Variants in PCDHA13 observed in about 807,000 individuals in gnomAD.
The protein encoded by PCDHA13 is protocadherin alpha-13.
In PCDHA13, 54 loss-of-function variants were observed where a neutral mutation model predicts 64.8. That is an observed-to-expected ratio of 0.83 (90% CI 0.67 to 1.04). The LOEUF (loss-of-function observed/expected upper bound fraction) is 1.04. Ranked by LOEUF, PCDHA13 falls within the 50% of genes least tolerant of loss-of-function variation. The pLI, the probability that PCDHA13 is intolerant of heterozygous loss-of-function variation, is 0.00. For missense variants in PCDHA13, 1,248 were observed against 1,254.3 expected, an observed-to-expected ratio of 0.99 and a Z score of 0.08; for synonymous variants, 587 against 564.4, an observed-to-expected ratio of 1.04 and a Z score of -0.57.
At position 141,010,329 on chromosome 5, in the gene PCDHA13, GTTTGTGGCCACTGGGTA is replaced by G. The variant is rs1554262887; in HGVS notation, c.*394_*410del. The G allele has an allele frequency of 1.9e-6, 3 of 1,538,554 alleles. No individual in the cohort carries two copies. The East Asian group carries it at 7.3e-5, about 38-fold the overall frequency. ...AGTTTTGAGATTGAGCAGCTTGGGA[GTTTGTGGCCACTGGGTA>G]TGTGTGGCTACCGCGGGTATGCGAG... On this transcript the variant is annotated 3_prime_UTR_variant, in exon 4 of 4. Coordinates refer to ENST00000289272, the MANE Select transcript of PCDHA13 (RefSeq NM_018904.3).
At chr5:140,889,009 C>T (rs1030437186) in intron 1 of PCDHA13, among the ~76,000 whole-genome samples, 7 of 152,128 alleles carry the variant, frequency 4.6e-5, no homozygotes, top group Admixed American at 1.3e-4. Flanking sequence ...GCAAACCAAC[C>T]TCTACTTCCT....
rs549259485 is a variant in PCDHA13, at chr5:140,926,218, A to C, written c.2394+41556A>C. 2.0e-5 allele frequency among the ~76,000 whole-genome samples: 3 copies of C among 152,070 alleles called. No individual in the cohort carries two copies. In the South Asian group the frequency reaches 6.3e-4, roughly 32 times the overall value. On this transcript the variant is annotated intron_variant, in intron 1 of 3. Coordinates refer to ENST00000289272, the MANE Select transcript of PCDHA13 (RefSeq NM_018904.3). ...TCTTTCGGGGGGCTCCTGTTTCCTT[A>C]AGCCTAGAAGGTGTGGTCGCTCACG...
intron 1 of PCDHA13, among the ~76,000 whole-genome samples, chr5:140,976,410 G>C (rs1353790339): frequency 6.6e-6 from 1 of 152,074 alleles, no homozygotes; most frequent in Non-Finnish European, 1.5e-5. Context: ...AATTAGCCAG[G>C]TACGGTGGCA....
intron 1 of PCDHA13, among the ~76,000 whole-genome samples, chr5:140,941,191 T>TTTTTTCTTTC (rs1554213809): frequency 1.1e-5 from 1 of 93,206 alleles, no homozygotes; most frequent in Non-Finnish European, 2.3e-5. Flanking sequence ...GCTTCTTTTT[T>TTTTTTCTTTC]TTTCTTTCTT....
intron 1 of PCDHA13, among the ~76,000 whole-genome samples, chr5:140,938,931 A>T (rs1371527205): frequency 6.6e-6 from 1 of 152,044 alleles, no homozygotes; most frequent in African/African-American, 2.4e-5. Context: ...TTGGCTTTTA[A>T]CTTTCCATTC....
Position 140,882,572 on chromosome 5 carries a change from T to C in PCDHA13, c.304T>C (p.Cys102Arg). The change falls in exon 1 of 4, where the codon TGC becomes CGC. Residue 102 changes from cysteine to arginine, a missense_variant. Coordinates refer to ENST00000289272, the MANE Select transcript of PCDHA13 (RefSeq NM_018904.3). ...GGAGCTGTGTGGGCGGAGCGCGGAG[T>C]GCAGCATCCACCTGGAGGTGATCGT... ...REELCGRSAE[C>R]SIHLEVIVDR... The C allele has an allele frequency of 6.2e-7, 1 of 1,614,106 alleles. No individual in the cohort carries two copies. Among genetic ancestry groups the C allele is most frequent in the Non-Finnish European group, 8.5e-7 (1 of 1,180,028 alleles).
rs2098414886 is a variant in PCDHA13, at chr5:141,009,848, A to T, written c.2764A>T (p.Thr922Ser). 7 of 1,614,012 alleles carry T rather than the reference A, an allele frequency of 4.3e-6. No homozygotes were observed. Among genetic ancestry groups the T allele is most frequent in the Non-Finnish European group, 5.1e-6 (6 of 1,180,014 alleles). ...DFITFGKKEE[T>S]KKKKKKKKGN... ...CATAACCTTCGGCAAAAAGGAGGAGACCAAGAAAAAGAAGAAAAAGAAGAA... is the reference window on the plus strand; with the variant it reads ...CATAACCTTCGGCAAAAAGGAGGAGTCCAAGAAAAAGAAGAAAAAGAAGAA... The change falls in exon 4 of 4, where the codon ACC becomes TCC. Residue 922 changes from threonine (T) to serine (S), a missense_variant. Thr to Ser is a moderately conservative substitution (Grantham distance 58). Transcript: ENST00000289272.
rs2058970957 is a variant in PCDHA13, at chr5:140,882,149, G to A, written c.-120G>A. ...CTTCCTGCAGAAAATATAGCAGAAA[G>A]CGGAATACCTCTTGCGAATCCTTCC... On this transcript the variant is annotated 5_prime_UTR_variant, in exon 1 of 4. Transcript: ENST00000289272. 1.3e-6 allele frequency: 2 copies of A among 1,501,900 alleles called. No homozygotes were observed. Among genetic ancestry groups the A allele is most frequent in the Middle Eastern group, 4.3e-4 (2 of 4,672 alleles). 93.0% of individuals were successfully genotyped at this position (1,501,900 alleles called of 1,614,324 possible).
At chr5:140,992,153 T>C (rs191199905) in intron 3 of PCDHA13, among the ~76,000 whole-genome samples, 76 of 152,066 alleles carry the variant, frequency 5.0e-4, no homozygotes, top group African/African-American at 1.8e-3. Flanking sequence ...CTTTGCTCAA[T>C]CAAGAAGTGT....
intron 3 of PCDHA13, among the ~76,000 whole-genome samples, chr5:141,008,882 A>G (rs2098393885): frequency 6.6e-6 from 1 of 152,170 alleles, no homozygotes; most frequent in Non-Finnish European, 1.5e-5. Flanking sequence ...ACCACCCTTC[A>G]ATGTTATTAC....
In PCDHA13 at chr5:140,895,957, C is replaced by G. The variant is rs186458993; in HGVS notation, c.2394+11295C>G. Among the ~76,000 whole-genome samples, 2 of 152,196 alleles carry G rather than the reference C, an allele frequency of 1.3e-5. 1 individual carries two copies. Among genetic ancestry groups the G allele is most frequent in the Admixed American group, 1.3e-4 (2 of 15,284 alleles). On this transcript the variant is annotated intron_variant, in intron 1 of 3. Transcript: ENST00000289272. Reference sequence around the variant, plus strand: ...TCCCGAGTAGCTGGGATTACAGGTGCCTGTCACCAGGCCTAGCTAATTTTT... The same window carrying G: ...TCCCGAGTAGCTGGGATTACAGGTGGCTGTCACCAGGCCTAGCTAATTTTT...
chr5:140,893,709 G>T lies in PCDHA13; in HGVS notation c.2394+9047G>T, dbSNP rs141117049. ...ATCTCATTCTATCCTAGCCTGTAAA[G>T]CTTCTGCTGAGAAATCTGCTGTTAG... is the stretch of plus-strand genomic sequence containing the variant. On this transcript the variant is annotated intron_variant, in intron 1 of 3. Transcript: ENST00000289272. 2.6e-3 allele frequency among the ~76,000 whole-genome samples: 396 copies of T among 152,250 alleles called. 2 individuals carry two copies. Among genetic ancestry groups the T allele is most frequent in the African/African-American group, 9.2e-3 (384 of 41,542 alleles).
intron 1 of PCDHA13, among the ~76,000 whole-genome samples, chr5:140,886,628 C>T (rs1305924545): frequency 6.6e-6 from 1 of 151,764 alleles, no homozygotes; most frequent in African/African-American, 2.4e-5. Context: ...GAGTCCGAGA[C>T]CAGCCTGGCC....
intron 1 of PCDHA13, chr5:140,967,227 A>G (rs1586199202): frequency 1.2e-6 from 2 of 1,613,742 alleles, no homozygotes; most frequent in Admixed American, 1.7e-5. Flanking sequence ...CCCAACTACC[A>G]GCTTCAGGTA....
At position 140,944,281 on chromosome 5, in the gene PCDHA13, G is replaced by A. The variant is rs987563636; in HGVS notation, c.2395-34668G>A. ...CTGCTCACTGCAGCCTTGACACCCC[G>A]GGCTCAAGCGATCCTCCTACCTCAG... On this transcript the variant is annotated intron_variant, in intron 1 of 3. Coordinates refer to ENST00000289272, the MANE Select transcript of PCDHA13 (RefSeq NM_018904.3). Among the ~76,000 whole-genome samples, 18 of 152,138 alleles carry A rather than the reference G, an allele frequency of 1.2e-4. No individual in the cohort carries two copies. The Middle Eastern group carries it at 0.014, about 115-fold the overall frequency.
chr5:140,958,137 A>G (rs1237826000), intron 1 of PCDHA13, among the ~76,000 whole-genome samples: 2 of 152,112 alleles, frequency 1.3e-5, no homozygotes, highest in Admixed American at 6.6e-5. Flanking sequence ...ATCAGTGTGT[A>G]TATTTATATA....
Position 140,882,204 on chromosome 5 carries a change from G to T in PCDHA13, c.-65G>T. On this transcript the variant is annotated 5_prime_UTR_variant, in exon 1 of 4. Transcript: ENST00000289272. ...TAGGAAGCCATAAAAATTGGGCCTTGAGAGACAGTTTGAGGTAAGGCGTTG... is the reference window on the plus strand; with the variant it reads ...TAGGAAGCCATAAAAATTGGGCCTTTAGAGACAGTTTGAGGTAAGGCGTTG... 6.5e-7 allele frequency: 1 copy of T among 1,530,664 alleles called. No homozygotes were observed. 94.8% of individuals were successfully genotyped at this position (1,530,664 alleles called of 1,614,324 possible).
chr5:140,972,540 T>G (rs1375467339), intron 1 of PCDHA13, among the ~76,000 whole-genome samples: 2 of 152,148 alleles, frequency 1.3e-5, no homozygotes, highest in Non-Finnish European at 2.9e-5. Flanking sequence ...AAATCACTTG[T>G]GCAGTGAGGA....
intron 1 of PCDHA13, among the ~76,000 whole-genome samples, chr5:140,899,821 C>G (rs1286169760): frequency 1.3e-5 from 2 of 151,902 alleles, no homozygotes; most frequent in African/African-American, 4.8e-5. Flanking sequence ...TTTGTTTTTC[C>G]TTTTTGAGAC....
Sources: gnomAD v4.1 joint callset for allele counts (sites outside exome capture counted in the v4.1 genomes callset) on GRCh38, gnomAD v4.1.1 for gene constraint, MANE v1.5 for transcripts, NCBI Gene and HGNC (gene_info 2026-07-23, HGNC 2026-07-21) for gene names.